USP32: variants seen among roughly 807,000 people sequenced by gnomAD.
USP32 encodes the protein ubiquitin carboxyl-terminal hydrolase 32.
Under a neutral mutation model 204.8 loss-of-function variants are expected in USP32, and 59 were observed. That is an observed-to-expected ratio of 0.29 (90% confidence interval 0.23 to 0.36). The LOEUF (loss-of-function observed/expected upper bound fraction) is 0.36. Among genes scored for constraint, USP32 ranks in the 10% least tolerant of loss-of-function variants. The probability of loss-of-function intolerance (pLI) is 1.00; values close to 1 mark genes in which losing one functional copy is unlikely to be tolerated. For missense variants in USP32, 1,160 were observed against 1,946.4 expected (o/e 0.60, Z 7.60); for synonymous variants, 517 against 678.4 (o/e 0.76, Z 3.70).
chr17:60,245,466 GC>G, intron 11 of USP32: 1 of 342,862 alleles, frequency 2.9e-6, no homozygotes. Context: ...AATTCTGGAA[GC>G]CACTGGGCAG....
At chr17:60,393,927 G>A (rs1352517722), upstream of USP32, among the ~76,000 whole-genome samples, 3 of 151,956 alleles carry the variant, frequency 2.0e-5, no homozygotes, top group Non-Finnish European at 4.4e-5. Context: ...CAGATGATCC[G>A]CCCGCCTCAG....
chr17:60,266,978 G>C, intron 7 of USP32, among the ~76,000 whole-genome samples: 1 of 149,254 alleles, frequency 6.7e-6, no homozygotes, highest in Middle Eastern at 3.3e-3. Context: ...TAGTAGAGAC[G>C]GGATTTCACC....
At chr17:60,397,389 G>A (rs188598295) in intron 1 of USP32, among the ~76,000 whole-genome samples, 7 of 152,078 alleles carry the variant, frequency 4.6e-5, no homozygotes, top group Non-Finnish European at 7.4e-5. Flanking sequence ...AAGACACAGC[G>A]TCTCTCTCTA....
At chr17:60,326,443 TG>T (rs1306171771) in intron 2 of USP32, among the ~76,000 whole-genome samples, 1 of 152,086 alleles carries the variant, frequency 6.6e-6, no homozygotes, top group Non-Finnish European at 1.5e-5. Context: ...CGCAAGTAGC[TG>T]GGATTACAGG....
At chr17:60,212,718 A>T (rs886750815) in intron 18 of USP32, among the ~76,000 whole-genome samples, 6 of 151,740 alleles carry the variant, frequency 4.0e-5, no homozygotes, top group Non-Finnish European at 7.4e-5. Flanking sequence ...AGAAATTACA[A>T]TTCTTTCTTA....
Position 60,312,254 on chromosome 17 carries a change from G to A in USP32, c.187-10550C>T, listed in dbSNP as rs2087871322. ...CACTTTGTTAACTAGTAAGAATTCAGCACTGATGAGCTCATAACTTTTGCT... is the reference window on the plus strand; with the variant it reads ...CACTTTGTTAACTAGTAAGAATTCAACACTGATGAGCTCATAACTTTTGCT... On this transcript the variant is annotated intron_variant, in intron 2 of 33. Coordinates refer to ENST00000300896, the MANE Select transcript of USP32 (RefSeq NM_032582.4). Among the ~76,000 whole-genome samples, 5 of 152,320 alleles carry A rather than the reference G, an allele frequency of 3.3e-5. No individual in the cohort carries two copies. The South Asian group carries it at 8.3e-4, about 25-fold the overall frequency.
chr17:60,418,396 G>GT (rs569143215), intron 1 of USP32, among the ~76,000 whole-genome samples: 16,974 of 118,352 alleles, frequency 0.14, 1,425 homozygotes, highest in African/African-American at 0.23. Flanking sequence ...CCTGGCCTCT[G>GT]TTTTTTTTTT....
intron 11 of USP32, among the ~76,000 whole-genome samples, chr17:60,243,859 T>C (rs2085940778): frequency 6.6e-6 from 1 of 152,116 alleles, no homozygotes; most frequent in Non-Finnish European, 1.5e-5. Context: ...TTTATCATAA[T>C]AAAATGTCTC....
At chr17:60,196,971 A>G (rs1243471574) in intron 27 of USP32, among the ~76,000 whole-genome samples, 2 of 151,798 alleles carry the variant, frequency 1.3e-5, no homozygotes, top group Non-Finnish European at 2.9e-5. Context: ...ACTTGAGGCC[A>G]GGAGTTCGAG....
intron 1 of USP32, 70 bp from the exon 2 acceptor site, chr17:60,345,678 C>A: frequency 6.2e-7 from 1 of 1,602,466 alleles, no homozygotes; most frequent in South Asian, 1.1e-5. Flanking sequence ...TTTTTTTCAA[C>A]CTGGCTCCTA....
intron 12 of USP32, among the ~76,000 whole-genome samples, chr17:60,234,614 C>T (rs377460032): frequency 5.3e-4 from 81 of 151,692 alleles, no homozygotes; most frequent in African/African-American, 1.8e-3. Flanking sequence ...CCTGTAGTCC[C>T]AGCTACTCGG....
intron 1 of USP32, among the ~76,000 whole-genome samples, chr17:60,406,744 G>A (rs2089979216): frequency 6.6e-6 from 1 of 151,968 alleles, no homozygotes; most frequent in Non-Finnish European, 1.5e-5. Context: ...TTAAACTCCT[G>A]ACCTCGTGAT....
intron 27 of USP32, among the ~76,000 whole-genome samples, chr17:60,194,583 T>C (rs542703773): frequency 6.6e-6 from 1 of 152,344 alleles, no homozygotes; most frequent in East Asian, 1.9e-4. Flanking sequence ...CCATTTCTCC[T>C]GTTATTATTC....
At chr17:60,350,198 A>C (rs1378916417) in intron 1 of USP32, among the ~76,000 whole-genome samples, 2 of 152,046 alleles carry the variant, frequency 1.3e-5, no homozygotes, top group Non-Finnish European at 2.9e-5. Context: ...ATTTTTAAAT[A>C]GCGATGGGGT....
intron 11 of USP32, among the ~76,000 whole-genome samples, chr17:60,246,236 CT>C (rs2086020814): frequency 6.6e-6 from 1 of 152,016 alleles, no homozygotes; most frequent in Non-Finnish European, 1.5e-5. Flanking sequence ...ACGAGATCAA[CT>C]TTTTTAGCTC....
intron 1 of USP32, among the ~76,000 whole-genome samples, chr17:60,349,564 ACT>A: frequency 8.8e-6 from 1 of 114,080 alleles, no homozygotes; most frequent in South Asian, 3.0e-4. Context: ...ACAGAGTGAG[ACT>A]CTGTCTCAAA....
chr17:60,218,316 G>A (rs1188179105), intron 16 of USP32, among the ~76,000 whole-genome samples: 1 of 151,912 alleles, frequency 6.6e-6, no homozygotes, highest in Non-Finnish European at 1.5e-5. Flanking sequence ...CCTGGGAGGC[G>A]GAGCTTGCAG....
chr17:60,392,022 G>T lies in USP32; in HGVS notation c.-83C>A. 6.8e-7 allele frequency: 1 copy of T among 1,474,336 alleles called. No individual in the cohort carries two copies. Among genetic ancestry groups the T allele is most frequent in the Non-Finnish European group, 9.2e-7 (1 of 1,088,780 alleles). The allele number at this position is 1,474,336 out of a possible 1,614,324, so 91.3% of individuals were successfully genotyped here. On this transcript the variant is annotated 5_prime_UTR_variant, in exon 1 of 34. Coordinates refer to ENST00000300896, the MANE Select transcript of USP32 (RefSeq NM_032582.4). ...CGCCTTCTCCTCGGCGTCCCTGGGTGACGGTGACGGTGTCGGCGTCCCCCG... is the reference window on the plus strand; with the variant it reads ...CGCCTTCTCCTCGGCGTCCCTGGGTTACGGTGACGGTGTCGGCGTCCCCCG...
At chr17:60,336,572 C>A (rs1318937319) in intron 2 of USP32, among the ~76,000 whole-genome samples, 1 of 143,184 alleles carries the variant, frequency 7.0e-6, no homozygotes, top group South Asian at 2.1e-4. Flanking sequence ...AAAAATTAGC[C>A]GGGCGTAGTG....
Sources: allele counts gnomAD v4.1 joint callset (sites outside exome capture counted in the v4.1 genomes callset), GRCh38; gene constraint gnomAD v4.1.1; transcripts MANE v1.5; gene names NCBI Gene and HGNC (gene_info 2026-07-23, HGNC 2026-07-21).